The following GNA14 variants were observed in gnomAD, a reference collection of about 807,000 sequenced individuals.
GNA14 encodes guanine nucleotide-binding protein subunit alpha-14.
A neutral mutation model predicts 42.0 loss-of-function variants in GNA14; 50 were observed. That is an observed-to-expected ratio of 1.19 (90% CI 0.95 to 1.51). The LOEUF (loss-of-function observed/expected upper bound fraction) is 1.51. Ranked by LOEUF, GNA14 falls within the 40% of genes most tolerant of loss-of-function variation. GNA14 has a pLI of 0.00. For synonymous variants in GNA14, 173 were observed against 163.1 expected (o/e 1.06, Z -0.46); for missense variants, 473 against 446.2 (o/e 1.06, Z -0.54).
intron 4 of GNA14, among the ~76,000 whole-genome samples, chr9:77,429,821 A>G (rs1357702126): frequency 6.6e-6 from 1 of 152,214 alleles, no homozygotes; most frequent in Non-Finnish European, 1.5e-5. Context: ...AAGGTATCCA[A>G]TGTGTTAGCT....
At chr9:77,592,996 A>C (rs112563210) in intron 1 of GNA14, among the ~76,000 whole-genome samples, 11 of 152,240 alleles carry the variant, frequency 7.2e-5, no homozygotes, top group African/African-American at 2.4e-4. Context: ...TCAATGATCA[A>C]TTATTCCTAG....
At chr9:77,566,809 A>C (rs10781449) in intron 1 of GNA14, among the ~76,000 whole-genome samples, 91,099 of 151,948 alleles carry the variant, frequency 0.6, 27,521 homozygotes, top group Admixed American at 0.68. Context: ...TGGGTCCTGG[A>C]ATTGTTAATT....
At chr9:77,471,443 G>A (rs992317984) in intron 2 of GNA14, among the ~76,000 whole-genome samples, 1 of 152,164 alleles carries the variant, frequency 6.6e-6, no homozygotes, top group African/African-American at 2.4e-5. Context: ...GAGCAAATTT[G>A]AGAGGGGCAA....
chr9:77,534,003 C>T (rs1837562999), intron 1 of GNA14, among the ~76,000 whole-genome samples: 1 of 152,272 alleles, frequency 6.6e-6, no homozygotes, highest in African/African-American at 2.4e-5. Flanking sequence ...TGATTTTTCT[C>T]ATACGCATAT....
chr9:77,440,867 C>A (rs965816611), intron 2 of GNA14, among the ~76,000 whole-genome samples: 4 of 152,088 alleles, frequency 2.6e-5, no homozygotes, highest in Non-Finnish European at 5.9e-5. Context: ...AGGTGCCCAC[C>A]ACCATGCCCG....
chr9:77,424,227 A>G (rs1835418678), intron 6 of GNA14, 58 bp from the exon 7 acceptor site: 2 of 1,258,998 alleles, frequency 1.6e-6, no homozygotes, highest in African/African-American at 3.0e-5. Context: ...TGTCCTCCCA[A>G]GAACCTTTTT....
At chr9:77,494,514 G>A (rs1375858771) in intron 2 of GNA14, among the ~76,000 whole-genome samples, 3 of 152,094 alleles carry the variant, frequency 2.0e-5, no homozygotes, top group African/African-American at 7.2e-5. Context: ...AAGCATGTTA[G>A]TGTATTAAGG....
chr9:77,515,033 G>A lies in GNA14; in HGVS notation c.309+14036C>T, dbSNP rs1423662692. On this transcript the variant is annotated intron_variant, in intron 2 of 6. Transcript: ENST00000341700. ...TGACAGTGAGGCCTGGGAGAAGCAG[G>A]AAACCACAATCCAATAGGGAGAGGA... is the stretch of plus-strand genomic sequence containing the variant. Among the ~76,000 whole-genome samples, 2 of 152,158 alleles carry A rather than the reference G, an allele frequency of 1.3e-5. 1 individual carries two copies. The highest frequency in any genetic ancestry group is 2.9e-5 in the Non-Finnish European group (2 of 68,038).
chr9:77,425,543 C>T lies in GNA14; in HGVS notation c.877+19G>A, dbSNP rs1835439173. ...ACGAGATCAGCACAGAAAACACTGT[C>T]CACAAGATAGACACTTACCTGTGTA... On this transcript the variant is annotated intron_variant, in intron 6 of 6. Transcript: ENST00000341700. 6.3e-7 allele frequency: 1 copy of T among 1,577,518 alleles called. No homozygotes were observed. The highest frequency in any genetic ancestry group is 1.7e-5 in the Admixed American group (1 of 57,492).
At chr9:77,595,929 A>G (rs1422455310) in intron 1 of GNA14, among the ~76,000 whole-genome samples, 2 of 152,058 alleles carry the variant, frequency 1.3e-5, no homozygotes, top group African/African-American at 4.8e-5. Flanking sequence ...AGATTGCCCA[A>G]GCACAGGGCT....
intron 1 of GNA14, among the ~76,000 whole-genome samples, chr9:77,604,318 T>G (rs185078316): frequency 6.6e-6 from 1 of 152,232 alleles, no homozygotes; most frequent in Non-Finnish European, 1.5e-5. Context: ...CCGGTAGAGA[T>G]AGAGGTTTCC....
rs117672751 is a variant in GNA14, at chr9:77,532,414, C to T, written c.125-3161G>A. Among the ~76,000 whole-genome samples the T allele has an allele frequency of 1.9e-3, 289 of 152,274 alleles. 5 individuals carry two copies. The East Asian group carries it at 0.048, about 25-fold the overall frequency. On this transcript the variant is annotated intron_variant, in intron 1 of 6. Coordinates refer to ENST00000341700, the MANE Select transcript of GNA14 (RefSeq NM_004297.4). ...AGAGATCTGCTATAAATAAGATGGT[C>T]CCAGCAGCAGGTGAATGCAGGGGAA...
intron 1 of GNA14, among the ~76,000 whole-genome samples, chr9:77,587,927 A>G (rs1196923090): frequency 2.0e-5 from 3 of 152,262 alleles, no homozygotes; most frequent in Middle Eastern, 3.4e-3. Flanking sequence ...GGGAGGCTTC[A>G]TTCCATGCCT....
At chr9:77,492,915 T>C (rs1293343143) in intron 2 of GNA14, among the ~76,000 whole-genome samples, 1 of 148,358 alleles carries the variant, frequency 6.7e-6, no homozygotes. Context: ...GCAGGAGAAT[T>C]GCTTGAACCT....
chr9:77,526,276 G>T (rs1837437030), intron 2 of GNA14, among the ~76,000 whole-genome samples: 1 of 151,988 alleles, frequency 6.6e-6, no homozygotes, highest in African/African-American at 2.4e-5. Context: ...TGCTGGAATG[G>T]GTTGACTTTT....
At chr9:77,639,615 G>A (rs1330240368) in intron 1 of GNA14, among the ~76,000 whole-genome samples, 1 of 152,230 alleles carries the variant, frequency 6.6e-6, no homozygotes, top group East Asian at 1.9e-4. Context: ...GTGAATATAA[G>A]TGTCTAGCAG....
intron 2 of GNA14, among the ~76,000 whole-genome samples, chr9:77,500,996 C>T (rs1031261415): frequency 1.3e-5 from 2 of 151,910 alleles, no homozygotes; most frequent in Non-Finnish European, 2.9e-5. Flanking sequence ...CGCTCTGTCA[C>T]CAGGCTGGAG....
intron 1 of GNA14, among the ~76,000 whole-genome samples, chr9:77,627,894 C>T (rs949770373): frequency 1.3e-5 from 2 of 151,980 alleles, no homozygotes; most frequent in Non-Finnish European, 2.9e-5. Flanking sequence ...CTAGCCAGAG[C>T]AATCAGGCAA....
intron 3 of GNA14, among the ~76,000 whole-genome samples, chr9:77,433,147 C>T (rs1835585501): frequency 6.6e-6 from 1 of 152,164 alleles, no homozygotes; most frequent in Non-Finnish European, 1.5e-5. Flanking sequence ...CTGCCCAATG[C>T]CTTGTCCAGC....
Sources: gnomAD v4.1 joint callset for allele counts (sites outside exome capture counted in the v4.1 genomes callset) on GRCh38, gnomAD v4.1.1 for gene constraint, MANE v1.5 for transcripts, NCBI Gene and HGNC (gene_info 2026-07-23, HGNC 2026-07-21) for gene names.